EXD1: variants seen among roughly 807,000 people sequenced by gnomAD.
EXD1 encodes the protein piRNA biogenesis protein EXD1.
EXD1 carries 63 observed loss-of-function variants against 49.1 expected under a neutral mutation model. The ratio of observed to expected loss-of-function variants is 1.28; its 90% confidence interval spans 1.05 to 1.58. EXD1 has a LOEUF of 1.58. EXD1 is among the 40% of genes most tolerant of loss of function. The pLI is 0.00. For synonymous variants in EXD1, 234 were observed against 239.2 expected, an observed-to-expected ratio of 0.98 and a Z score of 0.20; for missense variants, 748 against 666.0, an observed-to-expected ratio of 1.12 and a Z score of -1.36.
chr15:41,199,354 C>T (rs918034310), intron 7 of EXD1, among the ~76,000 whole-genome samples: 1 of 151,154 alleles, frequency 6.6e-6, no homozygotes, highest in African/African-American at 2.4e-5. Flanking sequence ...TCTCAAAGTG[C>T]TGGGATTACA....
chr15:41,215,113 C>T (rs73402954), intron 6 of EXD1, among the ~76,000 whole-genome samples: 19,189 of 152,212 alleles, frequency 0.13, 1,403 homozygotes, highest in South Asian at 0.27. Flanking sequence ...AATGTCACCT[C>T]CCTAGAGATG....
chr15:41,215,953 G>A, intron 5 of EXD1, 120 bp from the exon 6 acceptor site: 3 of 903,062 alleles, frequency 3.3e-6, no homozygotes, highest in Non-Finnish European at 5.4e-6. Context: ...CCCTAAAATT[G>A]CAAAACCACC....
chr15:41,196,982 G>A (rs974106273), intron 7 of EXD1, among the ~76,000 whole-genome samples: 1 of 151,584 alleles, frequency 6.6e-6, no homozygotes, highest in Non-Finnish European at 1.5e-5. Context: ...CCACCACCAC[G>A]CCCAGCTAAT....
chr15:41,208,994 A>AG (rs914773078), intron 7 of EXD1, among the ~76,000 whole-genome samples: 2 of 152,020 alleles, frequency 1.3e-5, no homozygotes, highest in Non-Finnish European at 2.9e-5. Flanking sequence ...GCTTAAAAAA[A>AG]AAAACAAAGT....
chr15:41,227,687 AAAAAAG>A (rs1009411444), intron 1 of EXD1, among the ~76,000 whole-genome samples: 1 of 151,882 alleles, frequency 6.6e-6, no homozygotes, highest in African/African-American at 2.4e-5. Flanking sequence ...AAAAAAAAAA[AAAAAAG>A]AATTACAACC....
chr15:41,215,457 C>T (rs139604666), intron 6 of EXD1, among the ~76,000 whole-genome samples: 4,974 of 152,070 alleles, frequency 0.033, 295 homozygotes, highest in African/African-American at 0.11. Context: ...GAGGCCGAGG[C>T]GGGTGGATCA....
intron 9 of EXD1, chr15:41,191,973 G>A (rs770534491): frequency 1.3e-4 from 23 of 175,538 alleles, no homozygotes; most frequent in Non-Finnish European, 2.0e-4. Context: ...TAAGAGACAG[G>A]GTCTTACTAT....
At chr15:41,216,538 G>A in intron 5 of EXD1, 130 bp downstream of exon 5, 1 of 922,344 alleles carries the variant, frequency 1.1e-6, no homozygotes, top group Non-Finnish European at 1.6e-6. Flanking sequence ...GGCAGAGGCA[G>A]GATAATTGCT....
At chr15:41,186,470 CAA>C (rs58793050) in intron 11 of EXD1, among the ~76,000 whole-genome samples, 4 of 68,280 alleles carry the variant, frequency 5.9e-5, no homozygotes, top group African/African-American at 1.0e-4. Flanking sequence ...GACTCTGTCT[CAA>C]AAAAAAAAAA....
intron 11 of EXD1, among the ~76,000 whole-genome samples, chr15:41,187,497 G>A (rs1199837184): frequency 3.9e-5 from 6 of 152,194 alleles, no homozygotes; most frequent in Non-Finnish European, 5.9e-5. Flanking sequence ...CACAGATGCT[G>A]AGAGATGACT....
Position 41,206,618 on chromosome 15 carries a change from CTT to C in EXD1, c.534+2881_534+2882del, listed in dbSNP as rs764744329. 7.7e-3 allele frequency among the ~76,000 whole-genome samples: 782 copies of C among 101,132 alleles called. 5 individuals are homozygous for C. Among genetic ancestry groups the C allele is most frequent in the African/African-American group, 0.026 (689 of 26,700 alleles). The allele number at this position is 101,132 out of a possible 152,430, so 66.3% of individuals were successfully genotyped here. On this transcript the variant is annotated intron_variant, in intron 7 of 11. Transcript: ENST00000458580. ...AATATAACAATCCTGTTATTCAATT[CTT>C]TTTTTTTTTTTTTTTTTTTGAGAAG...
chr15:41,191,388 C>T (rs2140816994), intron 10 of EXD1, 54 bp downstream of exon 10: 12 of 1,530,956 alleles, frequency 7.8e-6, no homozygotes, highest in Non-Finnish European at 1.1e-5. Context: ...GATAATACTG[C>T]TCAGAAAACA....
At chr15:41,226,287 T>C (rs2047163869) in intron 2 of EXD1, among the ~76,000 whole-genome samples, 156 bp downstream of exon 2, 1 of 151,770 alleles carries the variant, frequency 6.6e-6, no homozygotes, top group Non-Finnish European at 1.5e-5. Flanking sequence ...GCATATTCAG[T>C]CACATTGTTC....
chr15:41,185,170 C>G (rs1013176751), intron 11 of EXD1, among the ~76,000 whole-genome samples: 6 of 152,164 alleles, frequency 3.9e-5, no homozygotes, highest in African/African-American at 1.4e-4. Context: ...TCCCTTCCAG[C>G]CTGGCCTCAG....
intron 9 of EXD1, 108 bp downstream of exon 9, chr15:41,195,663 CAAAA>C (rs33987701): frequency 1.0e-4 from 55 of 551,288 alleles, no homozygotes; most frequent in Middle Eastern, 4.8e-4. Flanking sequence ...AATGGAGCAC[CAAAA>C]AAAAAAAAAA....
intron 10 of EXD1, 57 bp from the exon 11 acceptor site, chr15:41,190,185 C>T: frequency 6.3e-7 from 1 of 1,581,172 alleles, no homozygotes; most frequent in Middle Eastern, 1.7e-4. Context: ...AAGAAAATAA[C>T]TGTTTTAGGC....
chr15:41,229,148 A>T (rs2047200361), intron 1 of EXD1, among the ~76,000 whole-genome samples: 1 of 152,188 alleles, frequency 6.6e-6, no homozygotes, highest in Admixed American at 6.5e-5. Context: ...ACAAAGGACA[A>T]CATCACTAGG....
rs143707930 is a variant in EXD1 at position 41,205,956 on chromosome 15, T to C, written c.534+3545A>G. ...GTGCAGGGGCATGATCTTGGCTCACTGCAACCTCCACTTCTCAAGTTCAAG... is the reference window on the plus strand; with the variant it reads ...GTGCAGGGGCATGATCTTGGCTCACCGCAACCTCCACTTCTCAAGTTCAAG... On this transcript the variant is annotated intron_variant, in intron 7 of 11. Transcript: ENST00000458580. Among the ~76,000 whole-genome samples, 912 of 150,086 alleles carry C rather than the reference T, an allele frequency of 6.1e-3. 12 individuals carry two copies. The highest frequency in any genetic ancestry group is 0.021 in the African/African-American group (857 of 40,840).
intron 1 of EXD1, among the ~76,000 whole-genome samples, chr15:41,228,339 A>C (rs561346325): frequency 1.3e-5 from 2 of 152,264 alleles, no homozygotes; most frequent in African/African-American, 4.8e-5. Context: ...TTTTCGGTCA[A>C]ATAAATAACC....
Sources: allele counts gnomAD v4.1 joint callset (sites outside exome capture counted in the v4.1 genomes callset), GRCh38; gene constraint gnomAD v4.1.1; transcripts MANE v1.5; gene names NCBI Gene and HGNC (gene_info 2026-07-23, HGNC 2026-07-21).